Variants in TAF1B observed in about 807,000 individuals in gnomAD.
TAF1B encodes the protein TATA-box binding protein associated factor, RNA polymerase I subunit B.
In TAF1B, 61 loss-of-function variants were observed where a neutral mutation model predicts 83.9. The ratio of observed to expected loss-of-function variants is 0.73; its 90% confidence interval spans 0.59 to 0.90. The LOEUF is 0.90. TAF1B is among the 40% of genes least tolerant of loss of function. The pLI is 0.00. For missense variants in TAF1B, 625 were observed against 677.0 expected, an observed-to-expected ratio of 0.92 and a Z score of 0.85; for synonymous variants, 221 against 224.6, an observed-to-expected ratio of 0.98 and a Z score of 0.14.
chr2:9,879,622 G>A (rs1015897137), intron 7 of TAF1B, among the ~76,000 whole-genome samples: 1 of 152,172 alleles, frequency 6.6e-6, no homozygotes, highest in African/African-American at 2.4e-5. Context: ...AAGCCCTAAA[G>A]CAAGAGCTGT....
chr2:9,844,192 C>T (rs1232737952), intron 1 of TAF1B: 1 of 152,194 alleles, frequency 6.6e-6, no homozygotes, highest in East Asian at 1.9e-4. Context: ...ACTTCTTCCC[C>T]CAGGCTGGAG....
rs928741142 is a variant in TAF1B, at chr2:9,933,922, T to G, written c.1705T>G (p.Phe569Val). 3.7e-6 allele frequency: 6 copies of G among 1,613,446 alleles called. No homozygotes were observed. Among genetic ancestry groups the G allele is most frequent in the Non-Finnish European group, 5.1e-6 (6 of 1,179,774 alleles). Residue 569 changes from phenylalanine (F) to valine (V), a missense_variant, in exon 15 of 15, where the codon TTT becomes GTT. Physicochemically the swap from Phe to Val is conservative, Grantham distance 50 (BLOSUM62 -1). Coordinates refer to ENST00000263663, the MANE Select transcript of TAF1B (RefSeq NM_005680.3). Reference sequence around the variant, plus strand: ...AGTGAGCTTAGTTGAGAAGAAACTTTTTGAGAAAAAATACAGTGTAAAAAG... The same window carrying G: ...AGTGAGCTTAGTTGAGAAGAAACTTGTTGAGAAAAAATACAGTGTAAAAAG... ...EEVSLVEKKL[F>V]EKKYSVKRKK...
intron 3 of TAF1B, among the ~76,000 whole-genome samples, chr2:9,850,550 G>A (rs1663353359): frequency 6.6e-6 from 1 of 152,178 alleles, no homozygotes; most frequent in Non-Finnish European, 1.5e-5. Flanking sequence ...AATTGGGTTA[G>A]TTAGCAGAGG....
chr2:9,886,925 C>T (rs1456154952), intron 8 of TAF1B, among the ~76,000 whole-genome samples: 6 of 152,026 alleles, frequency 3.9e-5, no homozygotes, highest in African/African-American at 1.4e-4. Context: ...ATTAGCTGAG[C>T]GTGGTGGCGC....
intron 12 of TAF1B, among the ~76,000 whole-genome samples, chr2:9,913,995 A>G (rs1332706161): frequency 4.6e-5 from 7 of 152,256 alleles, no homozygotes; most frequent in Non-Finnish European, 4.4e-5. Context: ...AGAAAAATCA[A>G]GGTTCCCCAT....
chr2:9,859,675 C>T (rs1454416454), intron 5 of TAF1B, among the ~76,000 whole-genome samples: 5 of 152,160 alleles, frequency 3.3e-5, no homozygotes, highest in African/African-American at 4.8e-5. Context: ...CATGAGCCAT[C>T]GCACCTGGCC....
intron 12 of TAF1B, among the ~76,000 whole-genome samples, chr2:9,915,284 A>G (rs1167383959): frequency 2.0e-5 from 3 of 152,206 alleles, no homozygotes; most frequent in African/African-American, 4.8e-5. Flanking sequence ...CATGATCTAT[A>G]AAAGAAAAAA....
chr2:9,894,090 A>AAATT (rs36022934), intron 8 of TAF1B, among the ~76,000 whole-genome samples: 42,262 of 151,904 alleles, frequency 0.28, 6,820 homozygotes, highest in Middle Eastern at 0.4. Flanking sequence ...CTAAAAGTGT[A>AAATT]AATTGAGCAT....
intron 7 of TAF1B, among the ~76,000 whole-genome samples, chr2:9,880,020 A>G (rs1343196246): frequency 6.6e-6 from 1 of 152,128 alleles, no homozygotes; most frequent in African/African-American, 2.4e-5. Context: ...GTGGAAAATG[A>G]GTTCTGGGAA....
At chr2:9,883,482 C>T (rs901333073) in intron 8 of TAF1B, among the ~76,000 whole-genome samples, 1 of 152,138 alleles carries the variant, frequency 6.6e-6, no homozygotes, top group African/African-American at 2.4e-5. Context: ...TTAATAGTGG[C>T]CTGACTTTGA....
At position 9,858,914 on chromosome 2, in the gene TAF1B, G is replaced by A. The variant is rs890267835; in HGVS notation, c.399+4493G>A. On this transcript the variant is annotated intron_variant, in intron 5 of 14. Transcript: ENST00000263663. Reference sequence around the variant, plus strand: ...GGCCTGTGATGGGAGGGGCTGTCTCGAAGATCTCTGACATGCCCTGGAGAC... The same window carrying A: ...GGCCTGTGATGGGAGGGGCTGTCTCAAAGATCTCTGACATGCCCTGGAGAC... Among the ~76,000 whole-genome samples, 9 of 152,202 alleles carry A rather than the reference G, an allele frequency of 5.9e-5. 1 individual carries two copies. The highest frequency in any genetic ancestry group is 3.8e-4 in the East Asian group (2 of 5,202).
At chr2:9,852,845 G>T (rs1663442036) in intron 4 of TAF1B, among the ~76,000 whole-genome samples, 1 of 152,200 alleles carries the variant, frequency 6.6e-6, no homozygotes, top group Non-Finnish European at 1.5e-5. Flanking sequence ...AACATGGGCT[G>T]CAGTCACCAA....
At chr2:9,909,746 G>A (rs1203502192) in intron 9 of TAF1B, among the ~76,000 whole-genome samples, 1 of 152,230 alleles carries the variant, frequency 6.6e-6, no homozygotes, top group Admixed American at 6.5e-5. Context: ...CTTCACAACA[G>A]CTATGAAGCA....
At chr2:9,890,031 C>G (rs976549846) in intron 8 of TAF1B, among the ~76,000 whole-genome samples, 5 of 80,910 alleles carry the variant, frequency 6.2e-5, no homozygotes, top group Admixed American at 2.7e-4. Context: ...CTGGATCTCT[C>G]TGTCTATGCA....
chr2:9,851,908 A>C, intron 4 of TAF1B: 5 of 585,340 alleles, frequency 8.5e-6, no homozygotes, highest in East Asian at 4.0e-5. Flanking sequence ...AGTAAAACTC[A>C]AATAACTTTG....
At chr2:9,907,548 G>A (rs747857691) in intron 9 of TAF1B, among the ~76,000 whole-genome samples, 2 of 151,876 alleles carry the variant, frequency 1.3e-5, no homozygotes, top group Non-Finnish European at 1.5e-5. Context: ...GAAAGCTTTC[G>A]GCAAGTATGT....
chr2:9,916,803 G>A (rs2125176819), intron 12 of TAF1B, among the ~76,000 whole-genome samples: 1 of 146,032 alleles, frequency 6.8e-6, no homozygotes, highest in African/African-American at 2.5e-5. Flanking sequence ...CATCTCTACT[G>A]CTACCTAATG....
intron 11 of TAF1B, among the ~76,000 whole-genome samples, chr2:9,912,702 C>G (rs1188728489): frequency 6.6e-6 from 1 of 152,170 alleles, no homozygotes; most frequent in Non-Finnish European, 1.5e-5. Context: ...ATCACCATCC[C>G]CTGCCCCCAG....
intron 1 of TAF1B, chr2:9,844,330 A>C (rs148188346): frequency 1.4e-5 from 2 of 147,600 alleles, no homozygotes; most frequent in African/African-American, 5.0e-5. Flanking sequence ...TTTTTTTTTT[A>C]ATTTTTTGTA....
Sources: allele counts gnomAD v4.1 joint callset (sites outside exome capture counted in the v4.1 genomes callset), GRCh38; gene constraint gnomAD v4.1.1; transcripts MANE v1.5; gene names NCBI Gene and HGNC (gene_info 2026-07-23, HGNC 2026-07-21).